The following CDC14A variants were observed in gnomAD, a reference collection of about 807,000 sequenced individuals.
The protein encoded by CDC14A is dual specificity protein phosphatase CDC14A.
Under a neutral mutation model 74.4 loss-of-function variants are expected in CDC14A, and 53 were observed. The ratio of observed to expected loss-of-function variants is 0.71; its 90% CI spans 0.57 to 0.89. The LOEUF (loss-of-function observed/expected upper bound fraction) is 0.89. CDC14A is among the 40% of genes least tolerant of loss of function. CDC14A has a pLI of 0.00. For missense variants in CDC14A, 646 were observed against 713.7 expected (o/e 0.91, Z 1.08); for synonymous variants, 247 against 258.4 (o/e 0.96, Z 0.43).
chr1:100,387,063 C>T (rs1046801651), intron 3 of CDC14A, among the ~76,000 whole-genome samples: 24 of 151,680 alleles, frequency 1.6e-4, no homozygotes, highest in Admixed American at 3.3e-4. Flanking sequence ...AGCTAAACAA[C>T]GGACAAAATA....
intron 4 of CDC14A, among the ~76,000 whole-genome samples, chr1:100,395,104 C>T (rs1259284271): frequency 6.6e-6 from 1 of 152,118 alleles, no homozygotes; most frequent in African/African-American, 2.4e-5. Context: ...AATGTGGAAT[C>T]GGCCCTCTGT....
intron 4 of CDC14A, among the ~76,000 whole-genome samples, chr1:100,407,240 T>G (rs1377257508): frequency 3.9e-5 from 6 of 152,150 alleles, no homozygotes; most frequent in African/African-American, 1.4e-4. Context: ...CTATAAAGAA[T>G]GTCAGTGGCA....
At chr1:100,453,105 C>A (rs114414062) in intron 7 of CDC14A, among the ~76,000 whole-genome samples, 1,951 of 152,188 alleles carry the variant, frequency 0.013, 43 homozygotes, top group African/African-American at 0.044. Flanking sequence ...ATTCCATCAG[C>A]CTTATCCTGG....
chr1:100,352,890 C>G lies in CDC14A; in HGVS notation c.-65C>G, dbSNP rs1394652257. Reference sequence around the variant, plus strand: ...TCCTGGCTCCTGGGCAGTGGGGAAGCCCCCGGGGGCGAGTGACTTCAGCTG... The same window carrying G: ...TCCTGGCTCCTGGGCAGTGGGGAAGGCCCCGGGGGCGAGTGACTTCAGCTG... On this transcript the variant is annotated 5_prime_UTR_variant, in exon 1 of 16. Coordinates refer to ENST00000336454, the MANE Select transcript of CDC14A (RefSeq NM_003672.4). 1.4e-5 allele frequency: 23 copies of G among 1,610,278 alleles called. No homozygotes were observed. Among genetic ancestry groups the G allele is most frequent in the Non-Finnish European group, 2.0e-5 (23 of 1,178,880 alleles).
At chr1:100,356,612 T>A (rs1195632318) in intron 2 of CDC14A, among the ~76,000 whole-genome samples, 1 of 151,924 alleles carries the variant, frequency 6.6e-6, no homozygotes, top group Non-Finnish European at 1.5e-5. Context: ...TCACAGCACT[T>A]TGGGAGGCCG....
rs531127488 is a variant in CDC14A at position 100,498,161 on chromosome 1, A to G, written c.1375A>G (p.Lys459Glu). The change falls in exon 14 of 16, where the codon AAG (lysine) becomes GAG (glutamate). Residue 459 changes from lysine to glutamate, a missense_variant. Transcript: ENST00000336454. The stretch of plus-strand genomic sequence containing the variant: ...GGCACTGTCCCCTTCAGCAACGGCC[A>G]AGAGGATCAACAGAACTTCTTTGTC... ...KMALSPSATA[K>E]RINRTSLSSG... is the part of the protein sequence containing the mutation. 3.1e-6 allele frequency: 5 copies of G among 1,614,118 alleles called. No individual in the cohort carries two copies. In the East Asian group the frequency reaches 1.1e-4, roughly 36 times the overall value.
At chr1:100,407,888 T>A (rs558980073) in intron 4 of CDC14A, among the ~76,000 whole-genome samples, 26 of 152,324 alleles carry the variant, frequency 1.7e-4, no homozygotes, top group Non-Finnish European at 2.8e-4. Flanking sequence ...GATGTTTTTT[T>A]AAAATGTACA....
intron 3 of CDC14A, among the ~76,000 whole-genome samples, chr1:100,378,914 C>T (rs1259354035): frequency 6.6e-6 from 1 of 152,030 alleles, no homozygotes; most frequent in African/African-American, 2.4e-5. Context: ...TTTGCAATCA[C>T]CTAGGAAGTA....
intron 1 of CDC14A, among the ~76,000 whole-genome samples, chr1:100,345,802 AACT>A (rs1408241410): frequency 1.3e-5 from 2 of 152,258 alleles, no homozygotes; most frequent in Non-Finnish European, 2.9e-5. Context: ...CCGAACTATT[AACT>A]ACTATTATTT....
chr1:100,473,304 AT>A (rs60488990), intron 10 of CDC14A, among the ~76,000 whole-genome samples: 8 of 150,180 alleles, frequency 5.3e-5, no homozygotes, highest in East Asian at 2.0e-4. Context: ...CTAAGTACTT[AT>A]TTTTTTTTAG....
chr1:100,479,359 T>C (rs1362444013), intron 10 of CDC14A, among the ~76,000 whole-genome samples: 1 of 152,178 alleles, frequency 6.6e-6, no homozygotes, highest in Non-Finnish European at 1.5e-5. Flanking sequence ...CTCCGAGATT[T>C]TAGTGCACCC....
In CDC14A at chr1:100,519,701, G is replaced by GTAAC. The variant is rs748756736; in HGVS notation, c.*1423_*1426dup. The GTAAC allele has an allele frequency of 4.6e-5, 7 of 152,464 alleles. No homozygotes were observed. The East Asian group carries it at 9.6e-4, about 21-fold the overall frequency. The allele number at this position is 152,464 out of a possible 1,614,324, so 9.4% of individuals were successfully genotyped here. ...CTCAGGTTTGTTAAATTAACCTTCA[G>GTAAC]TAACTGCAGTACCAAAAATTACACT... On this transcript the variant is annotated 3_prime_UTR_variant, in exon 16 of 16. Coordinates refer to ENST00000336454, the MANE Select transcript of CDC14A (RefSeq NM_003672.4).
intron 4 of CDC14A, among the ~76,000 whole-genome samples, chr1:100,394,949 G>T (rs1658263262): frequency 6.6e-6 from 1 of 152,184 alleles, no homozygotes; most frequent in South Asian, 2.1e-4. Context: ...AGTTGGATAA[G>T]TGTCCGTTTT....
At chr1:100,372,892 G>A (rs993218711) in intron 2 of CDC14A, among the ~76,000 whole-genome samples, 4 of 152,164 alleles carry the variant, frequency 2.6e-5, no homozygotes, top group Admixed American at 2.0e-4. Context: ...TTTGGATGAG[G>A]CTTTGGCTTA....
intron 5 of CDC14A, among the ~76,000 whole-genome samples, chr1:100,425,015 A>G (rs1027756357): frequency 6.6e-6 from 1 of 152,052 alleles, no homozygotes; most frequent in Admixed American, 6.6e-5. Context: ...TAAAAATACA[A>G]AAGTTAGCCA....
upstream of CDC14A, among the ~76,000 whole-genome samples, chr1:100,349,626 A>G (rs867093932): frequency 1.5e-4 from 23 of 152,274 alleles, no homozygotes; most frequent in African/African-American, 5.3e-4. Context: ...GATTATACTG[A>G]CACTTCCTTC....
chr1:100,396,882 T>C (rs1386695789), intron 4 of CDC14A, among the ~76,000 whole-genome samples: 1 of 152,170 alleles, frequency 6.6e-6, no homozygotes, highest in Non-Finnish European at 1.5e-5. Flanking sequence ...TCCTTATATC[T>C]AAGTGGGGGG....
In CDC14A at chr1:100,352,969, A is replaced by C. The variant is rs749836346; in HGVS notation, c.15A>C (p.Ser5=). Residue 5 remains serine (S), a synonymous_variant, in exon 1 of 16, where the codon TCA becomes TCC. Coordinates refer to ENST00000336454, the MANE Select transcript of CDC14A (RefSeq NM_003672.4). ...TCTCGCTTAAGATGGCAGCGGAGTC[A>C]GGGGAACTAATCGGGGCTTGTGAGT... is the stretch of plus-strand genomic sequence containing the variant. MAAE[S]GELIGACEFM... is the part of the protein sequence containing the mutation. 6.2e-7 allele frequency: 1 copy of C among 1,613,966 alleles called. No individual in the cohort carries two copies. The highest frequency in any genetic ancestry group is 1.3e-5 in the African/African-American group (1 of 74,932).
chr1:100,477,774 T>C (rs1395304131), intron 10 of CDC14A, among the ~76,000 whole-genome samples: 1 of 152,240 alleles, frequency 6.6e-6, no homozygotes, highest in African/African-American at 2.4e-5. Context: ...CAAAAATGAC[T>C]GAACAAGTTA....
Sources: gnomAD v4.1 joint callset for allele counts (sites outside exome capture counted in the v4.1 genomes callset) on GRCh38, gnomAD v4.1.1 for gene constraint, MANE v1.5 for transcripts, NCBI Gene and HGNC (gene_info 2026-07-23, HGNC 2026-07-21) for gene names.